Variants in GLIS3 observed in about 807,000 individuals in gnomAD.
The protein encoded by GLIS3 is zinc finger protein GLIS3.
GLIS3 carries 53 observed loss-of-function variants against 78.6 expected under a neutral mutation model. The ratio of observed to expected loss-of-function variants is 0.67; its 90% CI spans 0.54 to 0.85. The LOEUF (loss-of-function observed/expected upper bound fraction) is 0.85. Ranked by LOEUF, GLIS3 falls within the 40% of genes least tolerant of loss-of-function variation. GLIS3 has a pLI of 0.00. For synonymous variants in GLIS3, 684 were observed against 509.9 expected (o/e 1.34, Z -4.60); for missense variants, 1,703 against 1,231.1 (o/e 1.38, Z -5.74).
chr9:4,133,369 A>T (rs565619835), intron 2 of GLIS3, among the ~76,000 whole-genome samples: 1 of 152,226 alleles, frequency 6.6e-6, no homozygotes, highest in South Asian at 2.1e-4. Flanking sequence ...AGGTTTTGAG[A>T]CTCCCATTCA....
At chr9:4,123,824 T>C (rs1265418471) in intron 3 of GLIS3, 1 of 398,162 alleles carries the variant, frequency 2.5e-6, no homozygotes, top group Non-Finnish European at 4.4e-6. Flanking sequence ...GCTTGGTACT[T>C]TTCCATGTTT....
At chr9:4,036,154 G>A (rs767928872) in intron 4 of GLIS3, among the ~76,000 whole-genome samples, 6 of 152,260 alleles carry the variant, frequency 3.9e-5, no homozygotes, top group South Asian at 2.1e-4. Flanking sequence ...TTCCTTTACC[G>A]TTTGAAGACT....
At chr9:4,171,932 G>A (rs1056549802) in intron 2 of GLIS3, among the ~76,000 whole-genome samples, 2 of 152,156 alleles carry the variant, frequency 1.3e-5, no homozygotes, top group Admixed American at 1.3e-4. Context: ...AAAAGTGGCA[G>A]GATATATTTT....
At chr9:4,239,047 A>T (rs1823041476) in intron 2 of GLIS3, among the ~76,000 whole-genome samples, 1 of 151,428 alleles carries the variant, frequency 6.6e-6, no homozygotes, top group Non-Finnish European at 1.5e-5. Context: ...ATAGTATTCC[A>T]TGGTGTATAT....
chr9:4,241,961 G>C (rs974409148), intron 2 of GLIS3, among the ~76,000 whole-genome samples: 1 of 152,170 alleles, frequency 6.6e-6, no homozygotes, highest in African/African-American at 2.4e-5. Flanking sequence ...TGAGATTACA[G>C]GCATCGGCCA....
At chr9:4,284,635 G>C (rs1274715481) in intron 2 of GLIS3, among the ~76,000 whole-genome samples, 4 of 151,878 alleles carry the variant, frequency 2.6e-5, no homozygotes, top group African/African-American at 4.8e-5. Flanking sequence ...TTAAGGCCTG[G>C]CACGGTGGCT....
At chr9:4,351,437 T>C (rs556230013), upstream of GLIS3, among the ~76,000 whole-genome samples, 18 of 150,532 alleles carry the variant, frequency 1.2e-4, no homozygotes, top group African/African-American at 4.1e-4. Flanking sequence ...AGAAATCTTT[T>C]ACATATCTCA....
chr9:4,212,702 C>G (rs1373798431), intron 2 of GLIS3, among the ~76,000 whole-genome samples: 1 of 152,156 alleles, frequency 6.6e-6, no homozygotes, highest in African/African-American at 2.4e-5. Flanking sequence ...GAGGAAACAG[C>G]AGATACAGAA....
At chr9:4,271,293 T>G (rs1031138783) in intron 2 of GLIS3, among the ~76,000 whole-genome samples, 1 of 152,214 alleles carries the variant, frequency 6.6e-6, no homozygotes, top group East Asian at 1.9e-4. Flanking sequence ...AACTATGTTA[T>G]CAGCAAGGCT....
chr9:3,842,646 AGCTC>A (rs561660558), intron 9 of GLIS3, among the ~76,000 whole-genome samples: 1 of 152,310 alleles, frequency 6.6e-6, no homozygotes, highest in South Asian at 2.1e-4. Context: ...GGGGGGCATC[AGCTC>A]CACCTTGGCA....
intron 4 of GLIS3, among the ~76,000 whole-genome samples, chr9:4,009,575 T>A (rs1047944196): frequency 2.0e-5 from 3 of 152,114 alleles, no homozygotes; most frequent in Non-Finnish European, 4.4e-5. Flanking sequence ...GGCCAGGTGG[T>A]TGGGGCCATG....
At chr9:3,982,679 A>G (rs975054543) in intron 4 of GLIS3, among the ~76,000 whole-genome samples, 1 of 152,228 alleles carries the variant, frequency 6.6e-6, no homozygotes, top group African/African-American at 2.4e-5. Flanking sequence ...AAGCCTAGCA[A>G]AGATACTACA....
At chr9:4,151,594 T>C (rs1232815468) in intron 2 of GLIS3, among the ~76,000 whole-genome samples, 1 of 152,244 alleles carries the variant, frequency 6.6e-6, no homozygotes, top group Non-Finnish European at 1.5e-5. Flanking sequence ...TATTATTTCT[T>C]GGCAAAATAA....
chr9:4,197,444 G>C (rs1818971119), intron 2 of GLIS3, among the ~76,000 whole-genome samples: 1 of 152,176 alleles, frequency 6.6e-6, no homozygotes, highest in African/African-American at 2.4e-5. Flanking sequence ...TGGATTAGGA[G>C]TTTAGGCTGC....
At position 4,174,488 on chromosome 9, in the gene GLIS3, C is replaced by T. The variant is rs142323701; in HGVS notation, c.389-48547G>A. On this transcript the variant is annotated intron_variant, in intron 2 of 10. Transcript: ENST00000381971. ...TACATAGGGTACAAATACCACATTC[C>T]GTTCTAAAATGATATCTTAGGATCA... 7.9e-5 allele frequency among the ~76,000 whole-genome samples: 12 copies of T among 152,106 alleles called. No individual in the cohort carries two copies. The East Asian group carries it at 1.5e-3, about 20-fold the overall frequency.
the GLIS3 span, among the ~76,000 whole-genome samples, chr9:4,364,383 T>C: frequency 6.6e-6 from 1 of 152,186 alleles, no homozygotes; most frequent in South Asian, 2.1e-4. Flanking sequence ...GGTACAATAT[T>C]TGGCCATTTT....
At chr9:4,482,462 A>G in the GLIS3 span, among the ~76,000 whole-genome samples, 2 of 152,218 alleles carry the variant, frequency 1.3e-5, no homozygotes, top group Non-Finnish European at 2.9e-5. Context: ...AGCTGCGCTG[A>G]CACCATCTTT....
At chr9:4,452,874 G>C in the GLIS3 span, among the ~76,000 whole-genome samples, 24,979 of 152,002 alleles carry the variant, frequency 0.16, 2,512 homozygotes, top group Non-Finnish European at 0.22. Context: ...AAGCAAAAAG[G>C]ACAAAGCTGG....
intron 6 of GLIS3, among the ~76,000 whole-genome samples, chr9:3,911,049 C>G (rs942468581): frequency 6.6e-6 from 1 of 152,196 alleles, no homozygotes; most frequent in Non-Finnish European, 1.5e-5. Context: ...TCTGTCTCTA[C>G]TCATACAACC....
Sources: gnomAD v4.1 joint callset for allele counts (sites outside exome capture counted in the v4.1 genomes callset) on GRCh38, gnomAD v4.1.1 for gene constraint, MANE v1.5 for transcripts, NCBI Gene and HGNC (gene_info 2026-07-23, HGNC 2026-07-21) for gene names.